The following ATXN7L1 variants were observed in gnomAD, a reference collection of about 807,000 sequenced individuals.
ATXN7L1 encodes ataxin 7 like 1, also known as ataxin-7-like protein 1.
Under a neutral mutation model 70.8 loss-of-function variants are expected in ATXN7L1, and 15 were observed. The observed-to-expected ratio is 0.21, with a 90% CI of 0.14 to 0.33. The LOEUF (loss-of-function observed/expected upper bound fraction) is 0.33, where lower values mean the gene tolerates loss of function less well. Ranked by LOEUF, ATXN7L1 falls within the 10% of genes least tolerant of loss-of-function variation. The pLI is 1.00. For synonymous variants in ATXN7L1, 440 were observed against 445.1 expected, an observed-to-expected ratio of 0.99 and a Z score of 0.14; for missense variants, 975 against 1,097.1, an observed-to-expected ratio of 0.89 and a Z score of 1.57.
intron 7 of ATXN7L1, among the ~76,000 whole-genome samples, chr7:105,636,460 C>T (rs1304900211): frequency 1.3e-5 from 2 of 151,812 alleles, no homozygotes; most frequent in African/African-American, 4.8e-5. Flanking sequence ...CCCCCCACCC[C>T]CACTTCTTTT....
At chr7:105,669,750 T>C (rs1292203367) in intron 3 of ATXN7L1, among the ~76,000 whole-genome samples, 3 of 151,942 alleles carry the variant, frequency 2.0e-5, no homozygotes, top group African/African-American at 7.3e-5. Flanking sequence ...GGAAACCCTG[T>C]CTCTACTAAA....
rs557754763 is a variant in ATXN7L1, at chr7:105,642,262, C to T, written c.862+576G>A. On this transcript the variant is annotated intron_variant, in intron 5 of 11. Coordinates refer to ENST00000419735, the MANE Select transcript of ATXN7L1 (RefSeq NM_020725.2). ...ACAAGAGACCGCCCCAGCACCCTAT[C>T]GGCACTGCCAGCCCTACTGTTCCTG... Among the ~76,000 whole-genome samples the T allele has an allele frequency of 7.2e-4, 110 of 152,326 alleles. 1 individual carries two copies. Among genetic ancestry groups the T allele is most frequent in the Admixed American group, 3.9e-3 (59 of 15,302 alleles).
At position 105,668,919 on chromosome 7, in the gene ATXN7L1, A is replaced by T. The variant is rs182940751; in HGVS notation, c.356-3631T>A. 4.3e-3 allele frequency among the ~76,000 whole-genome samples: 632 copies of T among 148,240 alleles called. 6 individuals are homozygous for T. Among genetic ancestry groups the T allele is most frequent in the African/African-American group, 0.014 (575 of 40,500 alleles). On this transcript the variant is annotated intron_variant, in intron 3 of 11. Coordinates refer to ENST00000419735, the MANE Select transcript of ATXN7L1 (RefSeq NM_020725.2). Reference sequence around the variant, plus strand: ...ACTCTCTCTGAAAACATATATATATATTTTTTTTTTGCAGAGACAAAGTCT... The same window carrying T: ...ACTCTCTCTGAAAACATATATATATTTTTTTTTTTTGCAGAGACAAAGTCT...
At chr7:105,716,665 G>GCA (rs58217531) in intron 3 of ATXN7L1, among the ~76,000 whole-genome samples, 4,333 of 125,168 alleles carry the variant, frequency 0.035, 97 homozygotes, top group Non-Finnish European at 0.052. Flanking sequence ...ACCTATCTCT[G>GCA]CACACACACA....
Position 105,639,638 on chromosome 7 carries a change from A to AT in ATXN7L1, c.863-70dup, listed in dbSNP as rs113823523. 1.2e-4 allele frequency: 133 copies of AT among 1,136,768 alleles called. 2 individuals are homozygous for AT. The African/African-American group carries it at 1.8e-3, about 15-fold the overall frequency. The allele number at this position is 1,136,768 out of a possible 1,614,324, so 70.4% of individuals were successfully genotyped here. Reference sequence around the variant, plus strand: ...AAATAGGATTTGGCATTAAGACTACATTTTTTAAAAAATGCACATTTGCAC... The same window carrying AT: ...AAATAGGATTTGGCATTAAGACTACATTTTTTTAAAAAATGCACATTTGCAC... On this transcript the variant is annotated intron_variant, in intron 5 of 11. Transcript: ENST00000419735.
rs193266097 is a variant in ATXN7L1, at chr7:105,606,939, C to T, written c.*913G>A. On this transcript the variant is annotated 3_prime_UTR_variant, in exon 12 of 12. Coordinates refer to ENST00000419735, the MANE Select transcript of ATXN7L1 (RefSeq NM_020725.2). ...CTCATGGAGTGGCTTTCTGGGTTCT[C>T]ACGACCTTTTTCCTGGGATTTCTCC... The T allele has an allele frequency of 9.8e-5, 15 of 152,388 alleles. No individual in the cohort carries two copies. The highest frequency in any genetic ancestry group is 8.5e-4 in the Admixed American group (13 of 15,288). 9.4% of individuals were successfully genotyped at this position (152,388 alleles called of 1,614,324 possible). A position where few individuals can be genotyped will look rare whatever the true frequency, so the allele number is the denominator to read the frequency against.
At chr7:105,760,017 C>G (rs529508830) in intron 3 of ATXN7L1, among the ~76,000 whole-genome samples, 4 of 152,178 alleles carry the variant, frequency 2.6e-5, no homozygotes, top group Non-Finnish European at 5.9e-5. Flanking sequence ...CCCTCATTCT[C>G]CTGCCTGCTC....
intron 2 of ATXN7L1, among the ~76,000 whole-genome samples, chr7:105,830,252 A>G (rs1339791457): frequency 2.0e-5 from 3 of 152,248 alleles, no homozygotes; most frequent in Non-Finnish European, 4.4e-5. Context: ...CCACTCTTCA[A>G]CTTGAGCAGG....
chr7:105,692,424 T>TCCCTCCCTCCCTCCCTCCTTCCTTCCTC (rs1554431696), intron 3 of ATXN7L1, among the ~76,000 whole-genome samples: 28 of 88,172 alleles, frequency 3.2e-4, no homozygotes, highest in African/African-American at 8.8e-4. Flanking sequence ...CTTCCTTCCT[T>TCCCTCCCTCCCTCCCTCCTTCCTTCCTC]CCTCCCTCCC....
At chr7:105,684,018 G>GGGCT (rs754978967) in intron 3 of ATXN7L1, among the ~76,000 whole-genome samples, 12 of 152,162 alleles carry the variant, frequency 7.9e-5, no homozygotes, top group Non-Finnish European at 1.6e-4. Context: ...TCCTGCCCAG[G>GGGCT]GGCTGCCAGG....
intron 4 of ATXN7L1, among the ~76,000 whole-genome samples, chr7:105,662,208 T>C (rs1801825657): frequency 6.6e-6 from 1 of 151,806 alleles, no homozygotes; most frequent in Non-Finnish European, 1.5e-5. Flanking sequence ...GTTCAAGAAA[T>C]TCTCCTGCCT....
chr7:105,732,770 A>C (rs978521646), intron 3 of ATXN7L1, among the ~76,000 whole-genome samples: 3 of 152,118 alleles, frequency 2.0e-5, no homozygotes, highest in South Asian at 4.1e-4. Context: ...AAATCCCTTT[A>C]ATCTCCTGTA....
intron 3 of ATXN7L1, among the ~76,000 whole-genome samples, chr7:105,693,985 G>A (rs1002888718): frequency 6.6e-6 from 1 of 151,960 alleles, no homozygotes; most frequent in Admixed American, 6.6e-5. Context: ...TCTGGGGTGG[G>A]GAAAGGAGGA....
chr7:105,819,707 C>T, intron 2 of ATXN7L1: 1 of 908,690 alleles, frequency 1.1e-6, no homozygotes, highest in Non-Finnish European at 1.8e-6. Context: ...GCCCCTACCA[C>T]TTCCGGGCCT....
At chr7:105,613,174 CAT>C (rs975207914) in intron 10 of ATXN7L1, among the ~76,000 whole-genome samples, 3 of 152,228 alleles carry the variant, frequency 2.0e-5, no homozygotes, top group African/African-American at 7.2e-5. Flanking sequence ...GGGAAAGAAA[CAT>C]GTATCCTTCC....
intron 5 of ATXN7L1, among the ~76,000 whole-genome samples, chr7:105,639,899 C>A (rs796656966): frequency 3.3e-5 from 5 of 152,316 alleles, no homozygotes; most frequent in African/African-American, 1.2e-4. Flanking sequence ...ATGCTCTTAA[C>A]GCTTTATTTT....
intron 3 of ATXN7L1, among the ~76,000 whole-genome samples, chr7:105,741,455 C>T (rs914783375): frequency 6.6e-6 from 1 of 152,282 alleles, no homozygotes; most frequent in African/African-American, 2.4e-5. Flanking sequence ...GATTTTGACA[C>T]ATTTGAGCTT....
At position 105,607,801 on chromosome 7, in the gene ATXN7L1, G is replaced by C; in HGVS notation, c.*51C>G. ...CCCTCCTCCTCCCCATGGCCTCCTC[G>C]GATGGGATTAGGTGGCCTGGAATTG... On this transcript the variant is annotated 3_prime_UTR_variant, in exon 12 of 12. Coordinates refer to ENST00000419735, the MANE Select transcript of ATXN7L1 (RefSeq NM_020725.2). 3 of 1,512,888 alleles carry C rather than the reference G, an allele frequency of 2.0e-6. No homozygotes were observed. The highest frequency in any genetic ancestry group is 2.7e-6 in the Non-Finnish European group (3 of 1,111,538). The allele number at this position is 1,512,888 out of a possible 1,614,324, so 93.7% of individuals were successfully genotyped here.
intron 3 of ATXN7L1, among the ~76,000 whole-genome samples, chr7:105,759,140 C>T (rs202116460): frequency 6.9e-6 from 1 of 144,864 alleles, no homozygotes; most frequent in African/African-American, 2.5e-5. Flanking sequence ...ATTTAGTGGC[C>T]TTTTTTTTAG....
Sources: allele counts gnomAD v4.1 joint callset (sites outside exome capture counted in the v4.1 genomes callset), GRCh38; gene constraint gnomAD v4.1.1; transcripts MANE v1.5; gene names NCBI Gene and HGNC (gene_info 2026-07-23, HGNC 2026-07-21).